The following GLP2R variants were observed in gnomAD, a reference collection of about 807,000 sequenced individuals.
GLP2R encodes the protein glucagon-like peptide 2 receptor.
GLP2R carries 59 observed loss-of-function variants against 68.2 expected under a neutral mutation model. The ratio of observed to expected loss-of-function variants is 0.87; its 90% confidence interval spans 0.70 to 1.07. The LOEUF is 1.07. Ranked by LOEUF, GLP2R falls within the 50% of genes least tolerant of loss-of-function variation. The pLI is 0.00. For missense variants in GLP2R, 548 were observed against 677.4 expected (o/e 0.81, Z 2.12); for synonymous variants, 270 against 265.4 (o/e 1.02, Z -0.17).
chr17:9,857,378 G>T lies in GLP2R; in HGVS notation c.612-45G>T, dbSNP rs1262544142. On this transcript the variant is annotated intron_variant, in intron 5 of 12. Coordinates refer to ENST00000262441, the MANE Select transcript of GLP2R (RefSeq NM_004246.3). ...AAAAGGCAGAGGCCTGTTGGTTGGA[G>T]CCATTCTTTCCTGAGGGAAGGCATT... is the stretch of plus-strand genomic sequence containing the variant. 5 of 1,596,250 alleles carry T rather than the reference G, an allele frequency of 3.1e-6. No individual in the cohort carries two copies. In the East Asian group the frequency reaches 8.9e-5, roughly 28 times the overall value.
At chr17:9,843,028 C>G (rs2152034041) in intron 4 of GLP2R, among the ~76,000 whole-genome samples, 1 of 151,540 alleles carries the variant, frequency 6.6e-6, no homozygotes, top group East Asian at 2.0e-4. Flanking sequence ...ACCCACCACC[C>G]ACCACCCCCC....
intron 12 of GLP2R, among the ~76,000 whole-genome samples, chr17:9,888,629 G>C (rs1318473038): frequency 6.6e-6 from 1 of 152,066 alleles, no homozygotes; most frequent in Non-Finnish European, 1.5e-5. Flanking sequence ...ACCACACTCA[G>C]CTAATTTTTA....
intron 5 of GLP2R, among the ~76,000 whole-genome samples, chr17:9,855,860 C>A (rs1208614503): frequency 6.6e-6 from 1 of 152,180 alleles, no homozygotes; most frequent in Non-Finnish European, 1.5e-5. Flanking sequence ...GCCTGTGTGC[C>A]TTTTACTAAA....
intron 6 of GLP2R, 75 bp from the exon 7 acceptor site, chr17:9,859,867 G>C (rs566764219): frequency 1.0e-6 from 1 of 959,048 alleles, no homozygotes; most frequent in African/African-American, 1.7e-5. Context: ...TTGTCTCTGG[G>C]AGGCCCTTCT....
At chr17:9,850,433 C>A (rs979107065) in intron 4 of GLP2R, among the ~76,000 whole-genome samples, 1 of 152,238 alleles carries the variant, frequency 6.6e-6, no homozygotes, top group Non-Finnish European at 1.5e-5. Context: ...TTCTCTGGTT[C>A]CTGAAGCCCA....
At chr17:9,829,910 C>T (rs1315547293) in intron 1 of GLP2R, among the ~76,000 whole-genome samples, 1 of 152,222 alleles carries the variant, frequency 6.6e-6, no homozygotes, top group African/African-American at 2.4e-5. Context: ...AAGGATTTTT[C>T]TTTCCTTTTC....
chr17:9,875,888 T>C (rs1323804567), intron 10 of GLP2R, among the ~76,000 whole-genome samples: 1 of 152,236 alleles, frequency 6.6e-6, no homozygotes, highest in African/African-American at 2.4e-5. Flanking sequence ...TTCATTTTTA[T>C]TTTTTTGAAA....
intron 3 of GLP2R, 84 bp downstream of exon 3, chr17:9,836,559 C>T (rs757402530): frequency 7.0e-5 from 54 of 773,482 alleles, no homozygotes; most frequent in Non-Finnish European, 1.1e-4. Flanking sequence ...CCCGTCTAAG[C>T]TCTCAGTAAT....
intron 6 of GLP2R, 91 bp from the exon 7 acceptor site, chr17:9,859,846 AGAGGG>A: frequency 1.9e-6 from 1 of 540,430 alleles, no homozygotes; most frequent in Non-Finnish European, 2.8e-6. Flanking sequence ...AAAAAAAAAA[AGAGGG>A]AGAGGTTGTC....
Position 9,887,268 on chromosome 17 carries a change from C to T in GLP2R, c.1285-664C>T, listed in dbSNP as rs749024687. Among the ~76,000 whole-genome samples the T allele has an allele frequency of 1.7e-4, 26 of 152,064 alleles. 1 individual carries two copies. The highest frequency in any genetic ancestry group is 3.5e-4 in the Non-Finnish European group (24 of 68,004). On this transcript the variant is annotated intron_variant, in intron 11 of 12. Transcript: ENST00000262441. Reference sequence around the variant, plus strand: ...AAGGACCAGGCACAGTGGCTCATGCCTGTAATCCCTGTACTTTGGGAGCCA... The same window carrying T: ...AAGGACCAGGCACAGTGGCTCATGCTTGTAATCCCTGTACTTTGGGAGCCA...
At chr17:9,871,413 G>T (rs1752727612) in intron 10 of GLP2R, among the ~76,000 whole-genome samples, 1 of 151,966 alleles carries the variant, frequency 6.6e-6, no homozygotes, top group Non-Finnish European at 1.5e-5. Context: ...TTGAAGAGAA[G>T]TTTGGCAGTT....
chr17:9,869,880 A>G (rs986516523), intron 9 of GLP2R, among the ~76,000 whole-genome samples: 1 of 152,210 alleles, frequency 6.6e-6, no homozygotes, highest in East Asian at 1.9e-4. Context: ...CAAGGGGAAT[A>G]AGGGGGATTA....
At chr17:9,871,343 C>CAA (rs34449375) in intron 10 of GLP2R, among the ~76,000 whole-genome samples, 2,836 of 95,718 alleles carry the variant, frequency 0.03, 41 homozygotes, top group Admixed American at 0.046. Context: ...GACCCTGTCT[C>CAA]AAAAAAAAAA....
chr17:9,853,352 A>G (rs990183897), intron 4 of GLP2R: 2 of 182,036 alleles, frequency 1.1e-5, no homozygotes, highest in African/African-American at 4.7e-5. Context: ...GTGGACAGAG[A>G]TAAATGACTG....
intron 9 of GLP2R, among the ~76,000 whole-genome samples, chr17:9,869,460 T>A (rs1251175049): frequency 6.6e-6 from 1 of 152,218 alleles, no homozygotes; most frequent in Non-Finnish European, 1.5e-5. Flanking sequence ...CTCCAAGCTC[T>A]ACCCAAACCC....
intron 3 of GLP2R, among the ~76,000 whole-genome samples, chr17:9,837,702 A>G (rs4239108): frequency 0.23 from 35,478 of 152,012 alleles, 7,288 homozygotes; most frequent in African/African-American, 0.55. Flanking sequence ...CCAGAAGCCC[A>G]ACCTCTTGGT....
At chr17:9,852,487 A>G (rs76645231) in intron 4 of GLP2R, among the ~76,000 whole-genome samples, 2,495 of 152,310 alleles carry the variant, frequency 0.016, 30 homozygotes, top group Non-Finnish European at 0.025. Context: ...TATATTAGAA[A>G]ATTGGAAAAA....
Position 9,862,142 on chromosome 17 carries a change from A to T in GLP2R, c.1056+52A>T, listed in dbSNP as rs1442221127. On this transcript the variant is annotated intron_variant, in intron 9 of 12. Transcript: ENST00000262441. ...GTCTCGGAGCCTAGCAGCTGTGGGG[A>T]ATCCCCCCGCCCCACCCGACTTCTG... The T allele has an allele frequency of 5.9e-6, 8 of 1,345,782 alleles. No individual in the cohort carries two copies. The Admixed American group carries it at 1.0e-4, about 17-fold the overall frequency. 83.4% of individuals were successfully genotyped at this position (1,345,782 alleles called of 1,614,324 possible).
chr17:9,887,527 T>TAACA (rs1022241152), intron 11 of GLP2R, among the ~76,000 whole-genome samples: 1 of 151,980 alleles, frequency 6.6e-6, no homozygotes, highest in Non-Finnish European at 1.5e-5. Context: ...ACTCCATCTC[T>TAACA]AACAAACAAA....
Sources: allele counts gnomAD v4.1 joint callset (sites outside exome capture counted in the v4.1 genomes callset), GRCh38; gene constraint gnomAD v4.1.1; transcripts MANE v1.5; gene names NCBI Gene and HGNC (gene_info 2026-07-23, HGNC 2026-07-21).